The following BCL2L13 variants were observed in gnomAD, a reference collection of about 807,000 sequenced individuals.
BCL2L13 encodes the protein bcl-2-like protein 13.
BCL2L13 carries 13 observed loss-of-function variants against 25.8 expected under a neutral mutation model. The observed-to-expected ratio is 0.50, with a 90% confidence interval of 0.33 to 0.80. BCL2L13 has a LOEUF of 0.80. Among genes scored for constraint, BCL2L13 ranks in the 30% least tolerant of loss-of-function variants. The pLI is 0.02. For synonymous variants in BCL2L13, 244 were observed against 230.3 expected (o/e 1.06, Z -0.54); for missense variants, 504 against 574.9 (o/e 0.88, Z 1.26).
chr22:17,726,715 C>T lies in BCL2L13; in HGVS notation c.639C>T (p.Tyr213=), dbSNP rs575997116. The T allele has an allele frequency of 2.5e-6, 4 of 1,614,090 alleles. No individual in the cohort carries two copies. The highest frequency in any genetic ancestry group is 1.7e-5 in the Admixed American group (1 of 60,002). The change falls in exon 7 of 7, where the codon TAC becomes TAT. Residue 213 remains tyrosine, a synonymous_variant. Coordinates refer to ENST00000317582, the MANE Select transcript of BCL2L13 (RefSeq NM_015367.4). ...GTCTTGAGTCAGAGGAGGAGGAATA[C>T]CCTGGAATCACTGCAGAAGATAGCA... ...VFSLESEEEE[Y]PGITAEDSND...
intron 2 of BCL2L13, among the ~76,000 whole-genome samples, chr22:17,674,090 G>A (rs978400141): frequency 3.3e-5 from 5 of 152,136 alleles, no homozygotes; most frequent in African/African-American, 9.7e-5. Context: ...AAACAGCATA[G>A]GATAGTGTAT....
intron 6 of BCL2L13, among the ~76,000 whole-genome samples, chr22:17,710,634 T>C (rs913978673): frequency 2.6e-5 from 4 of 151,450 alleles, no homozygotes; most frequent in Admixed American, 1.3e-4. Flanking sequence ...CCCAGCACTT[T>C]GGGAGGCCGA....
At chr22:17,725,237 C>T (rs988776773) in intron 6 of BCL2L13, among the ~76,000 whole-genome samples, 5 of 152,250 alleles carry the variant, frequency 3.3e-5, no homozygotes, top group Non-Finnish European at 7.3e-5. Context: ...GACAAACCAT[C>T]GCCTGTTGGA....
chr22:17,679,760 G>A (rs1483024972), intron 2 of BCL2L13, among the ~76,000 whole-genome samples: 1 of 152,056 alleles, frequency 6.6e-6, no homozygotes, highest in East Asian at 1.9e-4. Flanking sequence ...TGCCCACTTT[G>A]AATTCAGGAG....
At chr22:17,710,998 C>T (rs1282067483) in intron 6 of BCL2L13, among the ~76,000 whole-genome samples, 2 of 152,144 alleles carry the variant, frequency 1.3e-5, no homozygotes, top group African/African-American at 4.8e-5. Context: ...TGAAAAGATC[C>T]TCTAGATGTG....
upstream of BCL2L13, chr22:17,638,638 G>T: frequency 8.2e-7 from 1 of 1,222,644 alleles, no homozygotes; most frequent in Non-Finnish European, 1.0e-6. Context: ...ACATCTGGAC[G>T]GAGAGACCTC....
chr22:17,671,412 AAAAAATT>A (rs2059414907), intron 2 of BCL2L13, among the ~76,000 whole-genome samples: 1 of 150,752 alleles, frequency 6.6e-6, no homozygotes, highest in Non-Finnish European at 1.5e-5. Context: ...AAAAAAAAAA[AAAAAATT>A]AGCCAGGAGT....
upstream of BCL2L13, among the ~76,000 whole-genome samples, chr22:17,634,060 A>G (rs2058068645): frequency 6.6e-6 from 1 of 151,724 alleles, no homozygotes; most frequent in Admixed American, 6.6e-5. Context: ...TTACCACTTA[A>G]CTTGTTTTTC....
intron 2 of BCL2L13, among the ~76,000 whole-genome samples, chr22:17,673,586 C>T (rs1375512924): frequency 1.3e-5 from 2 of 150,422 alleles, no homozygotes; most frequent in Non-Finnish European, 3.0e-5. Flanking sequence ...ACTGTGTTAG[C>T]CAGACTGGTC....
At chr22:17,656,475 G>T (rs1211993861) in intron 2 of BCL2L13, among the ~76,000 whole-genome samples, 3 of 146,392 alleles carry the variant, frequency 2.0e-5, no homozygotes, top group Non-Finnish European at 4.5e-5. Flanking sequence ...AGCCTCCCGA[G>T]TAGCTGGGAT....
At chr22:17,713,954 A>G (rs1385690108) in intron 6 of BCL2L13, among the ~76,000 whole-genome samples, 1 of 151,714 alleles carries the variant, frequency 6.6e-6, no homozygotes, top group African/African-American at 2.4e-5. Context: ...CAGCCTGGCC[A>G]ACACCATGGT....
intron 6 of BCL2L13, among the ~76,000 whole-genome samples, chr22:17,722,708 T>C (rs1004637101): frequency 1.3e-5 from 2 of 152,160 alleles, no homozygotes; most frequent in Non-Finnish European, 2.9e-5. Flanking sequence ...TAGAATTAAT[T>C]AGTTGTCAAT....
chr22:17,703,340 T>C (rs2060496459), intron 6 of BCL2L13: 2 of 152,220 alleles, frequency 1.3e-5, no homozygotes, highest in Admixed American at 1.3e-4. Flanking sequence ...TTCCAATTAT[T>C]TTGTCTAATT....
At chr22:17,689,842 CAA>C (rs66645091) in intron 4 of BCL2L13, among the ~76,000 whole-genome samples, 1,104 of 97,448 alleles carry the variant, frequency 0.011, 12 homozygotes, top group African/African-American at 0.036. Flanking sequence ...GACTCCATCT[CAA>C]AAAAAAAAAA....
chr22:17,645,060 C>G (rs1317643664), intron 1 of BCL2L13, among the ~76,000 whole-genome samples: 1 of 150,184 alleles, frequency 6.7e-6, no homozygotes, highest in Non-Finnish European at 1.5e-5. Flanking sequence ...CCACCCACCT[C>G]GGCTTCCCAA....
chr22:17,662,245 A>G (rs2587090), intron 2 of BCL2L13, among the ~76,000 whole-genome samples: 21,229 of 152,102 alleles, frequency 0.14, 2,030 homozygotes, highest in Non-Finnish European at 0.21. Flanking sequence ...TTGGGAGGCC[A>G]AGGCGGGCGG....
intron 1 of BCL2L13, among the ~76,000 whole-genome samples, chr22:17,642,269 A>G (rs1365629993): frequency 6.6e-6 from 1 of 151,266 alleles, no homozygotes; most frequent in Non-Finnish European, 1.5e-5. Context: ...ACTCAGTCTC[A>G]GTAACTGTAA....
At chr22:17,686,265 A>T (rs2059935459) in intron 3 of BCL2L13, among the ~76,000 whole-genome samples, 1 of 151,844 alleles carries the variant, frequency 6.6e-6, no homozygotes, top group Admixed American at 6.6e-5. Flanking sequence ...CCCAGCCAAC[A>T]TGGTGAAACC....
intron 2 of BCL2L13, among the ~76,000 whole-genome samples, chr22:17,681,377 G>A (rs1472159462): frequency 6.6e-6 from 1 of 152,054 alleles, no homozygotes; most frequent in African/African-American, 2.4e-5. Flanking sequence ...GTGGTGGCGG[G>A]CGCCTGTAGT....
Sources: allele counts gnomAD v4.1 joint callset (sites outside exome capture counted in the v4.1 genomes callset), GRCh38; gene constraint gnomAD v4.1.1; transcripts MANE v1.5; gene names NCBI Gene and HGNC (gene_info 2026-07-23, HGNC 2026-07-21).